The following SMPDL3B variants were observed in gnomAD, a reference collection of about 807,000 sequenced individuals.
SMPDL3B encodes the protein acid sphingomyelinase-like phosphodiesterase 3b.
In SMPDL3B, 31 loss-of-function variants were observed where a neutral mutation model predicts 37.9. That is an observed-to-expected ratio of 0.82 (90% CI 0.61 to 1.10). The LOEUF is 1.10. SMPDL3B is among the 50% of genes least tolerant of loss of function. The pLI, the probability that SMPDL3B is intolerant of heterozygous loss-of-function variation, is 0.00. For missense variants in SMPDL3B, 525 were observed against 597.8 expected (o/e 0.88, Z 1.27); for synonymous variants, 235 against 242.6 (o/e 0.97, Z 0.29).
Position 27,945,443 on chromosome 1 carries a change from T to G in SMPDL3B, c.273T>G (p.Thr91=). The G allele has an allele frequency of 6.2e-7, 1 of 1,613,446 alleles. No homozygotes were observed. The highest frequency in any genetic ancestry group is 8.5e-7 in the Non-Finnish European group (1 of 1,179,354). The change falls in exon 2 of 8, where the codon ACT becomes ACG. Residue 91 remains threonine, a splice_region_variant and synonymous_variant. Coordinates refer to ENST00000373894, the MANE Select transcript of SMPDL3B (RefSeq NM_014474.4). The surrounding 1 kb of genome is among the most constrained non-coding windows in gnomAD (Gnocchi z 4.0). ...IEPEPDFILW[T]GDDTPHVPDE... is the part of the protein sequence containing the mutation. ...CAGAGCCAGACTTCATTCTCTGGAC[T>G]GGGTGAGTACAGTTGAGGTGGCAGC...
At chr1:27,939,572 A>G (rs1415780940) in intron 1 of SMPDL3B, among the ~76,000 whole-genome samples, 1 of 152,100 alleles carries the variant, frequency 6.6e-6, no homozygotes, top group African/African-American at 2.4e-5. Context: ...TAATCCTAGC[A>G]CTTTGGGAGG....
At chr1:27,943,224 A>G (rs2090375385) in intron 1 of SMPDL3B, among the ~76,000 whole-genome samples, 1 of 152,202 alleles carries the variant, frequency 6.6e-6, no homozygotes, top group South Asian at 2.1e-4. Context: ...CCTTATCTGT[A>G]AAGTGGGATA....
chr1:27,955,715 T>C lies in SMPDL3B; in HGVS notation c.722T>C (p.Phe241Ser). The change falls in exon 6 of 8, where the codon TTC (phenylalanine) becomes TCC (serine). Residue 241 changes from phenylalanine to serine, a missense_variant. Coordinates refer to ENST00000373894, the MANE Select transcript of SMPDL3B (RefSeq NM_014474.4). The part of the protein sequence containing the change: ...VYIVGHVPPG[F>S]FEKTQNKAWF... ...ATTGTCGGCCACGTGCCCCCGGGGTTCTTTGAGAAGACGCAAAACAAGGCA... is the reference window on the plus strand; with the variant it reads ...ATTGTCGGCCACGTGCCCCCGGGGTCCTTTGAGAAGACGCAAAACAAGGCA... 1 of 1,614,050 alleles carries C rather than the reference T, an allele frequency of 6.2e-7. No individual in the cohort carries two copies. The highest frequency in any genetic ancestry group is 8.5e-7 in the Non-Finnish European group (1 of 1,180,004).
intron 5 of SMPDL3B, 95 bp downstream of exon 5, chr1:27,954,621 C>T: frequency 2.5e-6 from 3 of 1,216,494 alleles, no homozygotes; most frequent in South Asian, 2.7e-5. Context: ...CAAAGATGCC[C>T]ATATCCCAGA....
chr1:27,941,288 G>A (rs1427967820), intron 1 of SMPDL3B, among the ~76,000 whole-genome samples: 1 of 152,192 alleles, frequency 6.6e-6, no homozygotes, highest in Non-Finnish European at 1.5e-5. Context: ...GCCTTAGTTT[G>A]CTTATCTATG....
intron 1 of SMPDL3B, chr1:27,939,020 A>C (rs558670574): frequency 1.2e-3 from 182 of 152,310 alleles, no homozygotes; most frequent in African/African-American, 4.0e-3. Context: ...CACTGTGATC[A>C]TTTCCATTCT....
At position 27,958,421 on chromosome 1, in the gene SMPDL3B, G is replaced by A; in HGVS notation, c.1006-55G>A. 1.3e-6 allele frequency: 2 copies of A among 1,548,328 alleles called. No homozygotes were observed. Among genetic ancestry groups the A allele is most frequent in the East Asian group, 2.3e-5 (1 of 44,126 alleles). On this transcript the variant is annotated intron_variant, in intron 7 of 7. Transcript: ENST00000373894. This position sits in a 1 kb window ranked among gnomAD's most constrained non-coding sequence, Gnocchi z 5.6. ...TGGGGGCAAATGCAAGGTGCAGGAT[G>A]GGGATGGAAGCAGACAACTGCTCAC...
chr1:27,954,706 G>A (rs2090484743), intron 5 of SMPDL3B, among the ~76,000 whole-genome samples, 180 bp downstream of exon 5: 1 of 152,156 alleles, frequency 6.6e-6, no homozygotes, highest in African/African-American at 2.4e-5. Flanking sequence ...GGGATCTGGA[G>A]CCCACTGCAG....
intron 3 of SMPDL3B, among the ~76,000 whole-genome samples, chr1:27,951,873 A>G (rs889239085): frequency 2.6e-5 from 4 of 152,164 alleles, no homozygotes; most frequent in African/African-American, 9.7e-5. Context: ...TAGCTCTGGT[A>G]TGGTTTAGCT....
chr1:27,949,582 A>C (rs543790110), intron 3 of SMPDL3B, among the ~76,000 whole-genome samples: 1 of 152,172 alleles, frequency 6.6e-6, no homozygotes, highest in Non-Finnish European at 1.5e-5. Flanking sequence ...GCTAATTTCC[A>C]GCCAAGGTGC....
chr1:27,945,330 C>T lies in SMPDL3B; in HGVS notation c.160C>T (p.Pro54Ser). 7 of 1,614,154 alleles carry T rather than the reference C, an allele frequency of 4.3e-6. No homozygotes were observed. Among genetic ancestry groups the T allele is most frequent in the South Asian group, 1.1e-5 (1 of 91,088 alleles). ...VCPSAGSQPVPDAGPWGDYLC... is the reference protein window; with the variant it reads ...VCPSAGSQPVSDAGPWGDYLC... ...CCCATCAGCTGGATCCCAGCCAGTGCCCGACGCAGGCCCCTGGGGTGACTA... is the reference window on the plus strand; with the variant it reads ...CCCATCAGCTGGATCCCAGCCAGTGTCCGACGCAGGCCCCTGGGGTGACTA... The change falls in exon 2 of 8, where the codon CCC becomes TCC. Residue 54 changes from proline (P) to serine (S), a missense_variant. By Grantham distance (74) the Pro-to-Ser change is moderately conservative. Coordinates refer to ENST00000373894, the MANE Select transcript of SMPDL3B (RefSeq NM_014474.4). This position sits in a 1 kb window ranked among gnomAD's most constrained non-coding sequence, Gnocchi z 4.0.
intron 1 of SMPDL3B, among the ~76,000 whole-genome samples, chr1:27,943,884 C>G (rs1292459995): frequency 6.6e-6 from 1 of 151,496 alleles, no homozygotes; most frequent in Non-Finnish European, 1.5e-5. Flanking sequence ...CGTGGTGGCG[C>G]ATGACTGTAA....
At position 27,958,885 on chromosome 1, in the gene SMPDL3B, C is replaced by A. The variant is rs1322762589; in HGVS notation, c.*47C>A. Reference sequence around the variant, plus strand: ...CTGGTAACGGGTAACGGGGGCAGCGCCCAGGATCACCCAGAGCTGGGCCTT... The same window carrying A: ...CTGGTAACGGGTAACGGGGGCAGCGACCAGGATCACCCAGAGCTGGGCCTT... On this transcript the variant is annotated 3_prime_UTR_variant, in exon 8 of 8. Coordinates refer to ENST00000373894, the MANE Select transcript of SMPDL3B (RefSeq NM_014474.4). This position sits in a 1 kb window ranked among gnomAD's most constrained non-coding sequence, Gnocchi z 5.6. The A allele has an allele frequency of 1.3e-6, 2 of 1,491,336 alleles. No individual in the cohort carries two copies. Among genetic ancestry groups the A allele is most frequent in the East Asian group, 2.4e-5 (1 of 40,926 alleles). The allele number at this position is 1,491,336 out of a possible 1,614,324, so 92.4% of individuals were successfully genotyped here.
chr1:27,947,069 T>C (rs1407584973), intron 2 of SMPDL3B, among the ~76,000 whole-genome samples: 2 of 149,542 alleles, frequency 1.3e-5, no homozygotes, highest in Admixed American at 6.7e-5. Context: ...GGAGTTTCGC[T>C]CTTTTTGCCC....
rs897816429 is a variant in SMPDL3B at position 27,945,241 on chromosome 1, G to A, written c.71G>A (p.Trp24Ter). 7.2e-5 allele frequency: 117 copies of A among 1,613,972 alleles called. No individual in the cohort carries two copies. Among genetic ancestry groups the A allele is most frequent in the Non-Finnish European group, 8.6e-5 (102 of 1,179,976 alleles). Residue 24 changes from tryptophan to a stop codon, truncating the protein, a stop_gained, in exon 2 of 8, where the codon TGG (tryptophan) becomes TAG (stop). Transcript: ENST00000373894. LOFTEE classifies it high-confidence loss of function. The surrounding 1 kb of genome is among the most constrained non-coding windows in gnomAD (Gnocchi z 4.0). ...GGARAEPGKF[W>*]HIADLHLDPD... ...GTTTTTTCCCCTGCAGGGAAGTTCTGGCACATCGCTGACCTGCACCTTGAC... is the reference window on the plus strand; with the variant it reads ...GTTTTTTCCCCTGCAGGGAAGTTCTAGCACATCGCTGACCTGCACCTTGAC...
chr1:27,954,767 T>C (rs2090485357), intron 5 of SMPDL3B, among the ~76,000 whole-genome samples: 1 of 152,164 alleles, frequency 6.6e-6, no homozygotes, highest in African/African-American at 2.4e-5. Flanking sequence ...AGTCACATAA[T>C]AAGTGACGAA....
At chr1:27,951,140 C>G (rs2090452578) in intron 3 of SMPDL3B, among the ~76,000 whole-genome samples, 1 of 152,106 alleles carries the variant, frequency 6.6e-6, no homozygotes, top group Non-Finnish European at 1.5e-5. Context: ...ATTGAATTTC[C>G]TAATATCCAA....
chr1:27,948,984 C>G (rs1169388393), intron 2 of SMPDL3B, 81 bp from the exon 3 acceptor site: 4 of 1,601,246 alleles, frequency 2.5e-6, no homozygotes, highest in African/African-American at 1.3e-5. Context: ...AGGTTTTCCT[C>G]TCACTGCAGA....
At position 27,945,108 on chromosome 1, in the gene SMPDL3B, G is replaced by A. The variant is rs2090394903; in HGVS notation, c.62-124G>A. On this transcript the variant is annotated intron_variant, in intron 1 of 7. Coordinates refer to ENST00000373894, the MANE Select transcript of SMPDL3B (RefSeq NM_014474.4). The surrounding 1 kb of genome is among the most constrained non-coding windows in gnomAD (Gnocchi z 4.0). ...TGGGCCTTTTCTCTGAACCCGGGGT[G>A]CTCAGAGAAGACTTCCATTTGCCTG... 1 of 815,154 alleles carries A rather than the reference G, an allele frequency of 1.2e-6. No homozygotes were observed. The highest frequency in any genetic ancestry group is 1.5e-5 in the South Asian group (1 of 64,578). The allele number at this position is 815,154 out of a possible 1,614,324, so 50.5% of individuals were successfully genotyped here. A position where few individuals can be genotyped will look rare whatever the true frequency, so the allele number is the denominator to read the frequency against.
Sources: allele counts gnomAD v4.1 joint callset (sites outside exome capture counted in the v4.1 genomes callset), GRCh38; gene constraint gnomAD v4.1.1; non-coding constraint Gnocchi (gnomAD v3.1); transcripts MANE v1.5; gene names NCBI Gene and HGNC (gene_info 2026-07-23, HGNC 2026-07-21).